The following MRE11 variants were observed in gnomAD, a reference collection of about 807,000 sequenced individuals.
MRE11 encodes MRE11 double strand break repair nuclease.
MRE11 carries 62 observed loss-of-function variants against 91.7 expected under a neutral mutation model. The ratio of observed to expected loss-of-function variants is 0.68; its 90% confidence interval spans 0.55 to 0.84. The LOEUF is 0.84. Ranked by LOEUF, MRE11 falls within the 40% of genes least tolerant of loss-of-function variation. The pLI, the probability that MRE11 is intolerant of heterozygous loss-of-function variation, is 0.00. For synonymous variants in MRE11, 273 were observed against 271.4 expected, an observed-to-expected ratio of 1.01 and a Z score of -0.06; for missense variants, 796 against 852.9, an observed-to-expected ratio of 0.93 and a Z score of 0.83.
At chr11:94,437,345 G>A in intron 16 of MRE11, 110 bp from the exon 17 acceptor site, 1 of 895,052 alleles carries the variant, frequency 1.1e-6, no homozygotes, top group Non-Finnish European at 1.7e-6. Flanking sequence ...AAAACTGAAT[G>A]ATGCCTAATT....
At chr11:94,444,303 T>C (rs1565210494) in intron 16 of MRE11, among the ~76,000 whole-genome samples, 2 of 152,228 alleles carry the variant, frequency 1.3e-5, no homozygotes, top group African/African-American at 4.8e-5. Context: ...TACAGTATCC[T>C]TGGCATGTTA....
upstream of MRE11, among the ~76,000 whole-genome samples, chr11:94,496,396 A>G (rs1947418967): frequency 6.6e-6 from 1 of 152,200 alleles, no homozygotes; most frequent in Non-Finnish European, 1.5e-5. Flanking sequence ...ACTTAGAAGA[A>G]AACAACAAAA....
chr11:94,492,331 C>T (rs1478857586), intron 2 of MRE11, among the ~76,000 whole-genome samples: 3 of 152,118 alleles, frequency 2.0e-5, no homozygotes, highest in African/African-American at 7.2e-5. Flanking sequence ...CAGATGATCC[C>T]GCTAGCCTCG....
At chr11:94,478,594 A>G in intron 6 of MRE11, 141 bp downstream of exon 6, 1 of 1,010,184 alleles carries the variant, frequency 9.9e-7, no homozygotes, top group Non-Finnish European at 1.4e-6. Context: ...TTTTACCAAA[A>G]CCATCCATCA....
rs1311114630 is a variant in MRE11 at position 94,478,843 on chromosome 11, A to C, written c.436T>G (p.Cys146Gly). ...CCAAAGTGATTTACAAATCCAGCAC[A>C]ACTTAAAATGTCCAAGGCACAAAGT... is the stretch of plus-strand genomic sequence containing the variant. ...DALCALDILS[C>G]AGFVNHFGRS... Residue 146 changes from cysteine to glycine, a missense_variant, in exon 6 of 20, where the codon TGT (cysteine) becomes GGT (glycine). Transcript: ENST00000323929. The C allele has an allele frequency of 6.2e-7, 1 of 1,613,880 alleles. No individual in the cohort carries two copies. Among genetic ancestry groups the C allele is most frequent in the South Asian group, 1.1e-5 (1 of 91,084 alleles).
chr11:94,501,269 A>T, the MRE11 span, among the ~76,000 whole-genome samples: 1 of 152,194 alleles, frequency 6.6e-6, no homozygotes, highest in South Asian at 2.1e-4. Context: ...AATGATCTAA[A>T]TCAGTGCCAA....
rs1020982972 is a variant in MRE11, at chr11:94,415,807, T to C, written c.*4318A>G. The stretch of plus-strand genomic sequence containing the variant: ...GTAGCTATACAATCTGGGGTTCTTA[T>C]CGATTGATGGATAGATTGATTGAGA... On this transcript the variant is annotated 3_prime_UTR_variant, in exon 20 of 20. Transcript: ENST00000323929. The C allele has an allele frequency of 1.3e-5, 2 of 152,150 alleles. No individual in the cohort carries two copies. The highest frequency in any genetic ancestry group is 1.3e-4 in the Admixed American group (2 of 15,266). The allele number at this position is 152,150 out of a possible 1,614,324, so 9.4% of individuals were successfully genotyped here.
intron 2 of MRE11, among the ~76,000 whole-genome samples, chr11:94,491,919 A>G (rs1436842802): frequency 6.6e-6 from 1 of 152,182 alleles, no homozygotes; most frequent in Non-Finnish European, 1.5e-5. Flanking sequence ...TCATAATACT[A>G]CATGTTTCTG....
chr11:94,456,577 C>T (rs1182797092), intron 13 of MRE11, among the ~76,000 whole-genome samples: 1 of 151,864 alleles, frequency 6.6e-6, no homozygotes, highest in Non-Finnish European at 1.5e-5. Context: ...AAATGTTTCA[C>T]ATCACTGAAA....
chr11:94,481,071 G>C (rs533357266), intron 4 of MRE11, among the ~76,000 whole-genome samples: 5 of 152,272 alleles, frequency 3.3e-5, no homozygotes, highest in African/African-American at 1.2e-4. Flanking sequence ...CACTTTGGGA[G>C]GCCGAGGTGG....
chr11:94,471,511 T>A (rs1946709832), intron 8 of MRE11, 63 bp downstream of exon 8: 1 of 1,512,498 alleles, frequency 6.6e-7, no homozygotes, highest in African/African-American at 1.4e-5. Context: ...CTTAAACCTA[T>A]GAGATGATTA....
At chr11:94,477,370 G>T (rs1946889834) in intron 6 of MRE11, among the ~76,000 whole-genome samples, 1 of 152,048 alleles carries the variant, frequency 6.6e-6, no homozygotes, top group African/African-American at 2.4e-5. Context: ...TTGATCTAGT[G>T]AAAGAAACTA....
At chr11:94,457,647 C>T (rs1381759599) in intron 13 of MRE11, among the ~76,000 whole-genome samples, 1 of 152,082 alleles carries the variant, frequency 6.6e-6, no homozygotes, top group Non-Finnish European at 1.5e-5. Flanking sequence ...ATGTGTCAGA[C>T]AGTATTCTAA....
intron 17 of MRE11, among the ~76,000 whole-genome samples, chr11:94,436,949 T>C (rs145862150): frequency 0.011 from 1,704 of 152,120 alleles, 25 homozygotes; most frequent in Non-Finnish European, 0.013. Context: ...CATTACTGTA[T>C]ACATAACATT....
intron 12 of MRE11, among the ~76,000 whole-genome samples, chr11:94,460,158 G>T (rs1946376820): frequency 6.6e-6 from 1 of 152,150 alleles, no homozygotes; most frequent in African/African-American, 2.4e-5. Context: ...GCTGGAAAAG[G>T]TAAGAAAATG....
intron 14 of MRE11, among the ~76,000 whole-genome samples, chr11:94,449,421 T>G (rs1243908039): frequency 6.6e-6 from 1 of 152,244 alleles, no homozygotes; most frequent in Non-Finnish European, 1.5e-5. Context: ...TTCACCGACT[T>G]GCCAAAATTT....
chr11:94,488,150 G>A (rs2135130346), intron 3 of MRE11, among the ~76,000 whole-genome samples: 1 of 152,292 alleles, frequency 6.6e-6, no homozygotes, highest in South Asian at 2.1e-4. Flanking sequence ...TTACACTCAG[G>A]AGAAGATTCT....
the MRE11 span, among the ~76,000 whole-genome samples, chr11:94,510,022 T>C: frequency 4.6e-5 from 7 of 152,186 alleles, no homozygotes; most frequent in Non-Finnish European, 8.8e-5. Flanking sequence ...GGTATAAAGA[T>C]GAGTTGGGAA....
chr11:94,497,497 T>C (rs1428308310), upstream of MRE11: 1 of 159,106 alleles, frequency 6.3e-6, no homozygotes, highest in Non-Finnish European at 1.4e-5. Flanking sequence ...TTAAATAGCT[T>C]TTTAACCCAA....
Sources: allele counts gnomAD v4.1 joint callset (sites outside exome capture counted in the v4.1 genomes callset), GRCh38; gene constraint gnomAD v4.1.1; transcripts MANE v1.5; gene names NCBI Gene and HGNC (gene_info 2026-07-23, HGNC 2026-07-21).